ME3: variants seen among roughly 807,000 people sequenced by gnomAD.
The protein encoded by ME3 is NADP-dependent malic enzyme, mitochondrial.
Under a neutral mutation model 68.9 loss-of-function variants are expected in ME3, and 48 were observed. The observed-to-expected ratio is 0.70, with a 90% CI of 0.55 to 0.89. ME3 has a LOEUF of 0.89. ME3 is among the 40% of genes least tolerant of loss of function. The probability of loss-of-function intolerance (pLI) is 0.00; values close to 1 mark genes in which losing one functional copy is unlikely to be tolerated. For synonymous variants in ME3, 320 were observed against 318.8 expected (o/e 1.00, Z -0.04); for missense variants, 675 against 797.4 (o/e 0.85, Z 1.85).
At chr11:86,621,986 C>T (rs1943376558) in intron 2 of ME3, among the ~76,000 whole-genome samples, 1 of 151,916 alleles carries the variant, frequency 6.6e-6, no homozygotes, top group African/African-American at 2.4e-5. Flanking sequence ...CAACTTCCAG[C>T]ATTGTTAATG....
chr11:86,490,661 A>G (rs1390328121), intron 6 of ME3, among the ~76,000 whole-genome samples: 2 of 152,258 alleles, frequency 1.3e-5, no homozygotes, highest in Non-Finnish European at 2.9e-5. Flanking sequence ...TCTCTGAAGC[A>G]CATACATACA....
intron 4 of ME3, among the ~76,000 whole-genome samples, chr11:86,512,528 G>A (rs1446113123): frequency 6.6e-6 from 1 of 152,224 alleles, no homozygotes; most frequent in Non-Finnish European, 1.5e-5. Flanking sequence ...AATGATAGTT[G>A]AGGGATGAGG....
At chr11:86,481,127 A>T (rs1294766597) in intron 7 of ME3, among the ~76,000 whole-genome samples, 1 of 151,686 alleles carries the variant, frequency 6.6e-6, no homozygotes, top group Middle Eastern at 3.2e-3. Context: ...CTGCAGCTTC[A>T]AACCCCTGGG....
At chr11:86,572,982 T>G (rs1438552924) in intron 2 of ME3, among the ~76,000 whole-genome samples, 1 of 152,256 alleles carries the variant, frequency 6.6e-6, no homozygotes, top group Non-Finnish European at 1.5e-5. Context: ...CTGACTGGCA[T>G]GAGATGATAT....
intron 2 of ME3, among the ~76,000 whole-genome samples, chr11:86,589,382 T>TATGAATGAATGAATGAATG (rs1554992472): frequency 3.4e-5 from 5 of 147,594 alleles, no homozygotes; most frequent in African/African-American, 8.1e-5. Context: ...AGAGAGAATA[T>TATGAATGAATGAATGAATG]ATGAATGAAT....
At chr11:86,630,092 A>G (rs1943918013) in intron 2 of ME3, among the ~76,000 whole-genome samples, 1 of 152,116 alleles carries the variant, frequency 6.6e-6, no homozygotes, top group Non-Finnish European at 1.5e-5. Flanking sequence ...TTGAATAGAG[A>G]TCATCATCCC....
At position 86,442,922 on chromosome 11, in the gene ME3, G is replaced by A. The variant is rs772907191; in HGVS notation, c.1555-3C>T. ...TCAGAGACTTCCTGGGCAATTTGCT[G>A]GGGAGAAGGAGAGAACCGAGAGGAA... On this transcript the variant is annotated splice_polypyrimidine_tract_variant and splice_region_variant and intron_variant, in intron 13 of 14. Transcript: ENST00000543262. The A allele has an allele frequency of 7.5e-6, 12 of 1,607,432 alleles. No individual in the cohort carries two copies. Among genetic ancestry groups the A allele is most frequent in the Non-Finnish European group, 1.7e-6 (2 of 1,174,626 alleles).
chr11:86,466,898 T>C (rs1372279175), intron 7 of ME3, among the ~76,000 whole-genome samples: 2 of 152,222 alleles, frequency 1.3e-5, no homozygotes, highest in African/African-American at 4.8e-5. Context: ...TACCTGCACA[T>C]GTCACTTCAC....
chr11:86,465,289 G>A (rs968232431), intron 7 of ME3, 89 bp from the exon 8 acceptor site: 1 of 977,570 alleles, frequency 1.0e-6, no homozygotes, highest in Non-Finnish European at 1.6e-6. Context: ...GTGGGGAGGT[G>A]CAGGCCTGGG....
intron 2 of ME3, chr11:86,668,180 C>T (rs542508826): frequency 2.0e-5 from 3 of 152,178 alleles, no homozygotes; most frequent in Admixed American, 1.3e-4. Flanking sequence ...CTGCCTCTGT[C>T]CACTTCTATG....
intron 2 of ME3, among the ~76,000 whole-genome samples, chr11:86,565,810 T>C (rs1191970336): frequency 1.3e-5 from 2 of 152,252 alleles, no homozygotes; most frequent in Admixed American, 1.3e-4. Context: ...CAGCATTTTC[T>C]AGTTTGAATG....
chr11:86,465,719 T>G (rs1451692204), intron 7 of ME3, among the ~76,000 whole-genome samples: 1 of 152,232 alleles, frequency 6.6e-6, no homozygotes, highest in Non-Finnish European at 1.5e-5. Context: ...CCAGGCATTG[T>G]TCTCTGGTAA....
intron 2 of ME3, among the ~76,000 whole-genome samples, chr11:86,616,655 A>T (rs1423692805): frequency 2.6e-5 from 4 of 152,198 alleles, no homozygotes; most frequent in Non-Finnish European, 5.9e-5. Flanking sequence ...ATAATGAGGA[A>T]AACATCATAT....
chr11:86,600,551 A>G (rs1173024969), intron 2 of ME3, among the ~76,000 whole-genome samples: 2 of 148,212 alleles, frequency 1.3e-5, no homozygotes, highest in African/African-American at 5.0e-5. Flanking sequence ...AACGAGACAG[A>G]AAGTTAACAA....
At chr11:86,584,179 G>A (rs555883662) in intron 2 of ME3, among the ~76,000 whole-genome samples, 1 of 152,156 alleles carries the variant, frequency 6.6e-6, no homozygotes, top group South Asian at 2.1e-4. Context: ...CATGTTCCCA[G>A]AAAAGACACA....
chr11:86,472,997 T>C (rs1369018613), intron 7 of ME3, among the ~76,000 whole-genome samples: 2 of 152,196 alleles, frequency 1.3e-5, no homozygotes, highest in Non-Finnish European at 2.9e-5. Context: ...GGGCTATACA[T>C]GAGGTCAGCG....
Position 86,471,141 on chromosome 11 carries a change from C to CTTT in ME3, c.810-5944_810-5942dup, listed in dbSNP as rs1163128094. On this transcript the variant is annotated intron_variant, in intron 7 of 14. Coordinates refer to ENST00000543262, the Ensembl canonical transcript of ME3. ...CCTACTTAAACTGTAAGGCCCAGAG[C>CTTT]TTTTTTTTTTTTTTTTTTTTTTTTT... 1.1e-3 allele frequency among the ~76,000 whole-genome samples: 84 copies of CTTT among 75,028 alleles called. 10 individuals carry two copies. The highest frequency in any genetic ancestry group is 1.3e-3 in the Non-Finnish European group (56 of 42,074). 49.2% of individuals were successfully genotyped at this position (75,028 alleles called of 152,430 possible).
chr11:86,559,479 C>T (rs1213288562), intron 3 of ME3, among the ~76,000 whole-genome samples: 1 of 151,632 alleles, frequency 6.6e-6, no homozygotes, highest in African/African-American at 2.4e-5. Flanking sequence ...CTTCCCATTT[C>T]CCCCAGGACA....
intron 2 of ME3, among the ~76,000 whole-genome samples, chr11:86,566,568 A>G (rs1957490654): frequency 6.6e-6 from 1 of 152,108 alleles, no homozygotes; most frequent in African/African-American, 2.4e-5. Context: ...TAAAGAAGAG[A>G]CTTTAATGAA....
Sources: gnomAD v4.1 joint callset for allele counts (sites outside exome capture counted in the v4.1 genomes callset) on GRCh38, gnomAD v4.1.1 for gene constraint, MANE v1.5 for transcripts, NCBI Gene and HGNC (gene_info 2026-07-23, HGNC 2026-07-21) for gene names.